NTSR1: variants seen among roughly 807,000 people sequenced by gnomAD.
NTSR1 encodes neurotensin receptor 1, also known as neurotensin receptor type 1.
Under a neutral mutation model 31.2 loss-of-function variants are expected in NTSR1, and 29 were observed. The observed-to-expected ratio is 0.93, with a 90% confidence interval of 0.69 to 1.27. The LOEUF (loss-of-function observed/expected upper bound fraction) is 1.27. Among genes scored for constraint, NTSR1 ranks in the 50% most tolerant of loss-of-function variants. The pLI is 0.00. For synonymous variants in NTSR1, 282 were observed against 269.9 expected (o/e 1.04, Z -0.44); for missense variants, 697 against 595.4 (o/e 1.17, Z -1.78).
intron 2 of NTSR1, among the ~76,000 whole-genome samples, chr20:62,756,081 G>A (rs1015577130): frequency 3.3e-5 from 5 of 151,916 alleles, no homozygotes; most frequent in African/African-American, 1.2e-4. Context: ...CATGGAGGCA[G>A]CAGAGGCAGG....
intron 3 of NTSR1, among the ~76,000 whole-genome samples, chr20:62,759,503 G>A (rs984946746): frequency 1.3e-5 from 2 of 151,400 alleles, no homozygotes; most frequent in Non-Finnish European, 2.9e-5. Flanking sequence ...GGTGGGACAC[G>A]GTGGCTCACG....
chr20:62,709,758 G>T lies in NTSR1; in HGVS notation c.551G>T (p.Arg184Leu), dbSNP rs754416393. 2 of 1,612,934 alleles carry T rather than the reference G, an allele frequency of 1.2e-6. No individual in the cohort carries two copies. Among genetic ancestry groups the T allele is most frequent in the Admixed American group, 1.7e-5 (1 of 60,006 alleles). Residue 184 changes from arginine to leucine, a missense_variant, in exon 1 of 4, where the codon CGC becomes CTC. Arg to Leu is a moderately radical substitution (Grantham distance 102). Coordinates refer to ENST00000370501, the MANE Select transcript of NTSR1 (RefSeq NM_002531.3). ...FKAKTLMSRS[R>L]TKKFISAIWL... is the part of the protein sequence containing the mutation. Reference sequence around the variant, plus strand: ...GCCAAGACCCTCATGTCCCGAAGCCGCACCAAGAAGTTCATCAGCGCCATC... The same window carrying T: ...GCCAAGACCCTCATGTCCCGAAGCCTCACCAAGAAGTTCATCAGCGCCATC...
At chr20:62,718,067 G>A (rs1364080693) in intron 1 of NTSR1, among the ~76,000 whole-genome samples, 3 of 152,206 alleles carry the variant, frequency 2.0e-5, no homozygotes, top group African/African-American at 2.4e-5. Context: ...ACGTGCTGGG[G>A]GTGCTGGAGG....
chr20:62,709,733 G>T lies in NTSR1; in HGVS notation c.526G>T (p.Ala176Ser). Residue 176 changes from alanine (A) to serine (S), a missense_variant, in exon 1 of 4, where the codon GCC (alanine) becomes TCC (serine). Coordinates refer to ENST00000370501, the MANE Select transcript of NTSR1 (RefSeq NM_002531.3). ...CCTGGCCATCTGCCACCCCTTCAAG[G>T]CCAAGACCCTCATGTCCCGAAGCCG... is the stretch of plus-strand genomic sequence containing the variant. ...RYLAICHPFK[A>S]KTLMSRSRTK... 1 of 1,613,006 alleles carries T rather than the reference G, an allele frequency of 6.2e-7. No homozygotes were observed. Among genetic ancestry groups the T allele is most frequent in the Non-Finnish European group, 8.5e-7 (1 of 1,179,932 alleles).
At chr20:62,748,844 GAGAA>G (rs547316977) in intron 1 of NTSR1, among the ~76,000 whole-genome samples, 159 of 152,214 alleles carry the variant, frequency 1.0e-3, no homozygotes, top group African/African-American at 3.7e-3. Flanking sequence ...TTTATAAGAA[GAGAA>G]AGAGAGACCT....
rs985348938 is a variant in NTSR1, at chr20:62,742,335, C to T, written c.715-12350C>T. On this transcript the variant is annotated intron_variant, in intron 1 of 3. Coordinates refer to ENST00000370501, the MANE Select transcript of NTSR1 (RefSeq NM_002531.3). The surrounding 1 kb of genome is among the most constrained non-coding windows in gnomAD (Gnocchi z 7.1). ...CCTCAGGCCAGGTCTGTGGTCACTG[C>T]TGACCACGCGGCAATGTACGGCTTT... is the stretch of plus-strand genomic sequence containing the variant. Among the ~76,000 whole-genome samples, 2 of 149,422 alleles carry T rather than the reference C, an allele frequency of 1.3e-5. No individual in the cohort carries two copies. The highest frequency in any genetic ancestry group is 5.0e-5 in the African/African-American group (2 of 39,954).
At position 62,741,787 on chromosome 20, in the gene NTSR1, G is replaced by T. The variant is rs1415964609; in HGVS notation, c.715-12898G>T. ...AAAACCTGGCAATGGCCCACAGAAGGCATCTGCTCAGGTGAGGTACATGCC... is the reference window on the plus strand; with the variant it reads ...AAAACCTGGCAATGGCCCACAGAAGTCATCTGCTCAGGTGAGGTACATGCC... On this transcript the variant is annotated intron_variant, in intron 1 of 3. Coordinates refer to ENST00000370501, the MANE Select transcript of NTSR1 (RefSeq NM_002531.3). This position sits in a 1 kb window ranked among gnomAD's most constrained non-coding sequence, Gnocchi z 4.3. Among the ~76,000 whole-genome samples, 5 of 149,716 alleles carry T rather than the reference G, an allele frequency of 3.3e-5. No homozygotes were observed. The highest frequency in any genetic ancestry group is 7.3e-5 in the Non-Finnish European group (5 of 68,030).
At chr20:62,746,184 T>C (rs1989298063) in intron 1 of NTSR1, among the ~76,000 whole-genome samples, 1 of 152,138 alleles carries the variant, frequency 6.6e-6, no homozygotes, top group Non-Finnish European at 1.5e-5. Context: ...AGCCTGGCCG[T>C]CTGCTTCCTG....
At chr20:62,759,699 C>T (rs1268752640) in intron 3 of NTSR1, among the ~76,000 whole-genome samples, 3 of 147,448 alleles carry the variant, frequency 2.0e-5, no homozygotes, top group South Asian at 2.2e-4. Flanking sequence ...GGTGTGAACC[C>T]GGGAGGTGGA....
In NTSR1 at chr20:62,745,709, G is replaced by T. The variant is rs961579357; in HGVS notation, c.715-8976G>T. 1.7e-4 allele frequency among the ~76,000 whole-genome samples: 26 copies of T among 152,254 alleles called. No homozygotes were observed. Among genetic ancestry groups the T allele is most frequent in the Admixed American group, 1.5e-3 (23 of 15,290 alleles). On this transcript the variant is annotated intron_variant, in intron 1 of 3. Transcript: ENST00000370501. This position sits in a 1 kb window ranked among gnomAD's most constrained non-coding sequence, Gnocchi z 4.1. ...GCCTCGCCTCCAAATCCAGCTTGGCGTGGACCTCGCTGGGACTGGATGGCC... is the reference window on the plus strand; with the variant it reads ...GCCTCGCCTCCAAATCCAGCTTGGCTTGGACCTCGCTGGGACTGGATGGCC...
At chr20:62,728,808 C>T (rs569346234) in intron 1 of NTSR1, among the ~76,000 whole-genome samples, 2 of 152,312 alleles carry the variant, frequency 1.3e-5, no homozygotes, top group African/African-American at 4.8e-5. Flanking sequence ...CAGCCAGGTG[C>T]CCACCCAGTT....
Position 62,741,701 on chromosome 20 carries a change from T to TG in NTSR1, c.715-12980dup, listed in dbSNP as rs1213260353. ...GTGGAGGAGCCATGGACAGAGGCTG[T>TG]GGGGCAGGCTCAGTCCCTGAGAGGT... On this transcript the variant is annotated intron_variant, in intron 1 of 3. Coordinates refer to ENST00000370501, the MANE Select transcript of NTSR1 (RefSeq NM_002531.3). This position sits in a 1 kb window ranked among gnomAD's most constrained non-coding sequence, Gnocchi z 4.3. Among the ~76,000 whole-genome samples the TG allele has an allele frequency of 6.7e-6, 1 of 149,698 alleles. No homozygotes were observed. The highest frequency in any genetic ancestry group is 1.5e-5 in the Non-Finnish European group (1 of 68,016).
rs745800810 is a variant in NTSR1, at chr20:62,754,680, T to C, written c.715-5T>C. The C allele has an allele frequency of 6.2e-7, 1 of 1,611,214 alleles. No individual in the cohort carries two copies. Among genetic ancestry groups the C allele is most frequent in the African/African-American group, 1.3e-5 (1 of 74,876 alleles). On this transcript the variant is annotated splice_region_variant and splice_polypyrimidine_tract_variant and intron_variant, in intron 1 of 3. Coordinates refer to ENST00000370501, the MANE Select transcript of NTSR1 (RefSeq NM_002531.3). ...TCTGACAGCCTCGCCCTTCCTCTCC[T>C]GCAGGTCAACACCTTCATGTCCTTC...
chr20:62,730,589 A>C (rs1295922691), intron 1 of NTSR1, among the ~76,000 whole-genome samples: 1 of 152,196 alleles, frequency 6.6e-6, no homozygotes, highest in African/African-American at 2.4e-5. Flanking sequence ...CCCCTTTGGG[A>C]GTAGAAATGC....
chr20:62,749,507 G>T (rs1989357586), intron 1 of NTSR1, among the ~76,000 whole-genome samples: 1 of 151,958 alleles, frequency 6.6e-6, no homozygotes, highest in East Asian at 1.9e-4. Flanking sequence ...AAAAACACAG[G>T]CAACAAAAGC....
In NTSR1 at chr20:62,762,560, C is replaced by T. The variant is rs772623093; in HGVS notation, c.*2293C>T. On this transcript the variant is annotated 3_prime_UTR_variant, in exon 4 of 4. Coordinates refer to ENST00000370501, the MANE Select transcript of NTSR1 (RefSeq NM_002531.3). ...ACCCACGACACCTGATCTCGTATCACTAGCTTGCGGCCAGGTCATGATGTG... is the reference window on the plus strand; with the variant it reads ...ACCCACGACACCTGATCTCGTATCATTAGCTTGCGGCCAGGTCATGATGTG... The T allele has an allele frequency of 6.6e-6, 1 of 152,178 alleles. No individual in the cohort carries two copies. The highest frequency in any genetic ancestry group is 1.5e-5 in the Non-Finnish European group (1 of 68,028). The allele number at this position is 152,178 out of a possible 1,614,324, so 9.4% of individuals were successfully genotyped here. A position where few individuals can be genotyped will look rare whatever the true frequency, so the allele number is the denominator to read the frequency against.
intron 1 of NTSR1, among the ~76,000 whole-genome samples, chr20:62,739,838 GA>G (rs779688077): frequency 1.3e-5 from 2 of 152,288 alleles, no homozygotes; most frequent in Non-Finnish European, 2.9e-5. Context: ...GCGACGGCCA[GA>G]ACTGGAGAAC....
rs773423618 is a variant in NTSR1 at position 62,744,249 on chromosome 20, G to A, written c.715-10436G>A. 6.6e-6 allele frequency among the ~76,000 whole-genome samples: 1 copy of A among 152,102 alleles called. No homozygotes were observed. Among genetic ancestry groups the A allele is most frequent in the Non-Finnish European group, 1.5e-5 (1 of 68,018 alleles). On this transcript the variant is annotated intron_variant, in intron 1 of 3. Coordinates refer to ENST00000370501, the MANE Select transcript of NTSR1 (RefSeq NM_002531.3). This position sits in a 1 kb window ranked among gnomAD's most constrained non-coding sequence, Gnocchi z 4.1. ...GAACTGAGGCAGCACCTCTAGGCTC[G>A]CTCTTTTAGAAATGAGGCTGAGGGG...
Position 62,709,594 on chromosome 20 carries a change from G to A in NTSR1, c.387G>A (p.Trp129Ter). 6.2e-7 allele frequency: 1 copy of A among 1,611,528 alleles called. No individual in the cohort carries two copies. Among genetic ancestry groups the A allele is most frequent in the Non-Finnish European group, 8.5e-7 (1 of 1,179,890 alleles). Residue 129 changes from tryptophan (W) to a stop codon, truncating the protein, a stop_gained, in exon 1 of 4, where the codon TGG becomes TGA. Coordinates refer to ENST00000370501, the MANE Select transcript of NTSR1 (RefSeq NM_002531.3). LOFTEE classifies it high-confidence loss of function. ...AMPVELYNFI[W>*]VHHPWAFGDA... ...CCGTGGAGCTGTACAACTTCATCTGGGTGCACCACCCCTGGGCCTTCGGCG... is the reference window on the plus strand; with the variant it reads ...CCGTGGAGCTGTACAACTTCATCTGAGTGCACCACCCCTGGGCCTTCGGCG...
Sources: gnomAD v4.1 joint callset for allele counts (sites outside exome capture counted in the v4.1 genomes callset) on GRCh38, gnomAD v4.1.1 for gene constraint, Gnocchi (gnomAD v3.1) non-coding constraint, MANE v1.5 for transcripts, NCBI Gene and HGNC (gene_info 2026-07-23, HGNC 2026-07-21) for gene names.